Variants in ALOX5AP observed in about 807,000 individuals in gnomAD.
ALOX5AP encodes arachidonate 5-lipoxygenase activating protein.
A neutral mutation model predicts 18.5 loss-of-function variants in ALOX5AP; 9 were observed. The observed-to-expected ratio is 0.49, with a 90% confidence interval of 0.29 to 0.85. The LOEUF is 0.85. Among genes scored for constraint, ALOX5AP ranks in the 40% least tolerant of loss-of-function variants. ALOX5AP has a pLI of 0.08. For synonymous variants in ALOX5AP, 81 were observed against 78.6 expected (o/e 1.03, Z -0.16); for missense variants, 172 against 202.5 (o/e 0.85, Z 0.91).
chr13:30,751,916 T>C (rs1951855093), intron 2 of ALOX5AP, 136 bp from the exon 3 acceptor site: 1 of 826,830 alleles, frequency 1.2e-6, no homozygotes, highest in Admixed American at 2.2e-5. Flanking sequence ...ATTGGGTAGA[T>C]GTAAGTGGAA....
intron 1 of ALOX5AP, among the ~76,000 whole-genome samples, chr13:30,717,841 T>C (rs947114385): frequency 6.6e-6 from 1 of 152,096 alleles, no homozygotes; most frequent in African/African-American, 2.4e-5. Context: ...GGCAAGACCT[T>C]CTCTGGGGAG....
upstream of ALOX5AP, among the ~76,000 whole-genome samples, chr13:30,734,105 T>C (rs1157171958): frequency 1.3e-5 from 2 of 152,164 alleles, no homozygotes; most frequent in African/African-American, 4.8e-5. Context: ...TATATATATA[T>C]GAGGAGACTT....
At chr13:30,752,257 C>T (rs1951858816) in intron 3 of ALOX5AP, 135 bp downstream of exon 3, 11 of 813,610 alleles carry the variant, frequency 1.4e-5, no homozygotes, top group Middle Eastern at 2.9e-4. Context: ...AGGTGAGAGC[C>T]CTCGGGAGGC....
intron 2 of ALOX5AP, among the ~76,000 whole-genome samples, chr13:30,749,889 C>G (rs1951838102): frequency 6.6e-6 from 1 of 152,158 alleles, no homozygotes; most frequent in Non-Finnish European, 1.5e-5. Context: ...CTGCAGGGCA[C>G]AGATGAAGGG....
At chr13:30,733,376 G>A (rs903301112), upstream of ALOX5AP, among the ~76,000 whole-genome samples, 1 of 152,166 alleles carries the variant, frequency 6.6e-6, no homozygotes, top group African/African-American at 2.4e-5. Context: ...CTTCATTTCT[G>A]ATGCATTGTC....
Position 30,759,986 on chromosome 13 carries a change from G to A in ALOX5AP, c.324-3958G>A, listed in dbSNP as rs558536336. On this transcript the variant is annotated intron_variant, in intron 4 of 4. Transcript: ENST00000380490. ...TTACACACACTGGAGTTTGGGAATC[G>A]CTGAAGGCTGTTCACTTCTCTTTTC... 1.8e-4 allele frequency among the ~76,000 whole-genome samples: 27 copies of A among 152,240 alleles called. No individual in the cohort carries two copies. In the South Asian group the frequency reaches 2.5e-3, roughly 14 times the overall value.
At chr13:30,740,219 A>ACAG (rs1462249190) in intron 1 of ALOX5AP, among the ~76,000 whole-genome samples, 30 of 152,302 alleles carry the variant, frequency 2.0e-4, no homozygotes, top group African/African-American at 7.0e-4. Context: ...TTTTTTGAGA[A>ACAG]CTATGTGTCA....
upstream of ALOX5AP, among the ~76,000 whole-genome samples, chr13:30,734,181 G>A (rs1951702941): frequency 6.6e-6 from 1 of 152,176 alleles, no homozygotes; most frequent in Non-Finnish European, 1.5e-5. Flanking sequence ...TCTACAAAGT[G>A]CCCTAGGTAC....
chr13:30,746,342 A>G (rs1020500935), intron 2 of ALOX5AP, among the ~76,000 whole-genome samples: 1 of 152,220 alleles, frequency 6.6e-6, no homozygotes. Context: ...ATGAGAGGGA[A>G]GGAGAAGGAT....
At chr13:30,736,380 G>T (rs754805840) in intron 1 of ALOX5AP, among the ~76,000 whole-genome samples, 4 of 152,066 alleles carry the variant, frequency 2.6e-5, no homozygotes, top group Non-Finnish European at 4.4e-5. Context: ...AAACAAGCAG[G>T]ATACCTAGAT....
intron 1 of ALOX5AP, among the ~76,000 whole-genome samples, chr13:30,727,645 T>A (rs1243649364): frequency 6.6e-6 from 1 of 152,110 alleles, no homozygotes; most frequent in Admixed American, 6.6e-5. Flanking sequence ...TTGGCTTAGG[T>A]CAGTGGGTGA....
At chr13:30,757,018 G>A (rs189453237) in intron 4 of ALOX5AP, among the ~76,000 whole-genome samples, 25 of 152,214 alleles carry the variant, frequency 1.6e-4, no homozygotes, top group Non-Finnish European at 2.5e-4. Context: ...AGAGTATGCC[G>A]TCAGTTCCTT....
At chr13:30,718,434 A>G (rs1050429794) in intron 1 of ALOX5AP, among the ~76,000 whole-genome samples, 4 of 150,296 alleles carry the variant, frequency 2.7e-5, no homozygotes, top group Non-Finnish European at 5.9e-5. Flanking sequence ...CCACAACTAC[A>G]CACTGCCTTA....
At chr13:30,713,831 C>T in exon 1 of ALOX5AP, 1 of 1,523,460 alleles carries the variant, frequency 6.6e-7, no homozygotes. Context: ...GAACATAAGC[C>T]ATCAGTGCTG....
At chr13:30,752,674 C>T (rs1289690440) in intron 3 of ALOX5AP, among the ~76,000 whole-genome samples, 1 of 152,214 alleles carries the variant, frequency 6.6e-6, no homozygotes, top group Admixed American at 6.5e-5. Context: ...ACTTTTGGTC[C>T]CCTTTCGGGG....
chr13:30,741,482 C>T (rs544191811), intron 1 of ALOX5AP, among the ~76,000 whole-genome samples: 39 of 151,084 alleles, frequency 2.6e-4, no homozygotes, highest in Admixed American at 2.2e-3. Context: ...CTGCAACCTC[C>T]GCCTCCTGGG....
upstream of ALOX5AP, among the ~76,000 whole-genome samples, chr13:30,732,200 G>T (rs1483172745): frequency 6.6e-6 from 1 of 152,180 alleles, no homozygotes; most frequent in African/African-American, 2.4e-5. Flanking sequence ...GGCGCCTTTC[G>T]ACCTTCTAAA....
Position 30,741,103 on chromosome 13 carries a change from C to CTTTTTTTT in ALOX5AP, c.71-2929_71-2922dup, listed in dbSNP as rs59980433. 1.9e-3 allele frequency among the ~76,000 whole-genome samples: 123 copies of CTTTTTTTT among 64,006 alleles called. 14 individuals carry two copies. Among genetic ancestry groups the CTTTTTTTT allele is most frequent in the Non-Finnish European group, 2.6e-3 (92 of 36,056 alleles). The allele number at this position is 64,006 out of a possible 152,430, so 42.0% of individuals were successfully genotyped here. On this transcript the variant is annotated intron_variant, in intron 1 of 4. Coordinates refer to ENST00000380490, the MANE Select transcript of ALOX5AP (RefSeq NM_001629.4). ...TTAACCTACACACATCCTCCATATC[C>CTTTTTTTT]TTTTTTTTTTTTTTTTTTTTTTTTT...
At chr13:30,759,068 C>G (rs1287581782) in intron 4 of ALOX5AP, among the ~76,000 whole-genome samples, 1 of 152,266 alleles carries the variant, frequency 6.6e-6, no homozygotes, top group South Asian at 2.1e-4. Flanking sequence ...ATCTGCCATC[C>G]CCGGCCTCCC....
Sources: allele counts gnomAD v4.1 joint callset (sites outside exome capture counted in the v4.1 genomes callset), GRCh38; gene constraint gnomAD v4.1.1; transcripts MANE v1.5; gene names NCBI Gene and HGNC (gene_info 2026-07-23, HGNC 2026-07-21).